NR1H2: variants seen among roughly 807,000 people sequenced by gnomAD.
NR1H2 encodes the protein nuclear receptor subfamily 1 group H member 2, also known as oxysterols receptor LXR-beta.
In NR1H2, 33 loss-of-function variants were observed where a neutral mutation model predicts 51.2. That is an observed-to-expected ratio of 0.64 (90% CI 0.49 to 0.86). NR1H2 has a LOEUF of 0.86. Among genes scored for constraint, NR1H2 ranks in the 40% least tolerant of loss-of-function variants. The probability of loss-of-function intolerance (pLI) is 0.00; values close to 1 mark genes in which losing one functional copy is unlikely to be tolerated. For synonymous variants in NR1H2, 310 were observed against 264.3 expected (o/e 1.17, Z -1.68); for missense variants, 592 against 639.9 (o/e 0.93, Z 0.81).
intron 4 of NR1H2, 21 bp from the exon 5 acceptor site, chr19:50,378,128 G>A: frequency 6.3e-7 from 1 of 1,596,296 alleles, no homozygotes; most frequent in Non-Finnish European, 8.6e-7. Flanking sequence ...CTTTCTCATG[G>A]CCTCTACCTA....
At chr19:50,380,049 G>A (rs1020558944) in intron 8 of NR1H2, among the ~76,000 whole-genome samples, 170 bp downstream of exon 8, 3 of 152,212 alleles carry the variant, frequency 2.0e-5, no homozygotes, top group Non-Finnish European at 2.9e-5. Flanking sequence ...GGTGGTGCAC[G>A]CCAATAGTCC....
intron 2 of NR1H2, 82 bp from the exon 3 acceptor site, chr19:50,377,505 G>A (rs897227532): frequency 5.4e-6 from 6 of 1,102,656 alleles, no homozygotes; most frequent in Non-Finnish European, 5.3e-6. Flanking sequence ...GAAAAAAAAG[G>A]GAAAGCCCTG....
chr19:50,381,486 C>T (rs973184749), intron 8 of NR1H2, among the ~76,000 whole-genome samples: 1 of 152,230 alleles, frequency 6.6e-6, no homozygotes, highest in African/African-American at 2.4e-5. Context: ...GTCCCCTAGG[C>T]TCTCAAATGT....
At position 50,378,324 on chromosome 19, in the gene NR1H2, G is replaced by T; in HGVS notation, c.357G>T (p.Gly119=). The change falls in exon 5 of 10, where the codon GGG becomes GGT. Residue 119 remains glycine (G), a synonymous_variant. Coordinates refer to ENST00000253727, the MANE Select transcript of NR1H2 (RefSeq NM_007121.7). The stretch of plus-strand genomic sequence containing the variant: ...TCCGGCGCAGTGTGGTCCGTGGTGG[G>T]GCCAGGCGCTATGCCTGCCGGGGTG... ...GFFRRSVVRG[G]ARRYACRGGG... is the part of the protein sequence containing the mutation. The T allele has an allele frequency of 1.2e-6, 2 of 1,612,966 alleles. No individual in the cohort carries two copies.
In NR1H2 at chr19:50,379,004, C is replaced by G. The variant is rs1250658002; in HGVS notation, c.750C>G (p.Pro250=). 1 of 1,607,620 alleles carries G rather than the reference C, an allele frequency of 6.2e-7. No homozygotes were observed. The highest frequency in any genetic ancestry group is 2.2e-5 in the East Asian group (1 of 44,862). The change falls in exon 7 of 10, where the codon CCC becomes CCG. Residue 250 remains proline, a splice_region_variant and synonymous_variant. Coordinates refer to ENST00000253727, the MANE Select transcript of NR1H2 (RefSeq NM_007121.7). ...RSFSDQPKVT[P]WPLGADPQSR... Reference sequence around the variant, plus strand: ...GACCCTGGTCTCCTGTGTCCCAGCCCTGGCCCCTGGGCGCAGACCCCCAGT... The same window carrying G: ...GACCCTGGTCTCCTGTGTCCCAGCCGTGGCCCCTGGGCGCAGACCCCCAGT...
At chr19:50,380,648 C>T (rs1004915447) in intron 8 of NR1H2, among the ~76,000 whole-genome samples, 2 of 152,114 alleles carry the variant, frequency 1.3e-5, no homozygotes, top group Non-Finnish European at 2.9e-5. Context: ...ATGAGCTTAG[C>T]AGGGCAGGGC....
Position 50,382,503 on chromosome 19 carries a change from C to A in NR1H2, c.1284C>A (p.Arg428=). 6.2e-7 allele frequency: 1 copy of A among 1,611,084 alleles called. No homozygotes were observed. Among genetic ancestry groups the A allele is most frequent in the Middle Eastern group, 1.8e-4 (1 of 5,528 alleles). Reference sequence around the variant, plus strand: ...TGCTCATGAAGCTGGTGAGCCTGCGCACGCTGAGCTCTGTGCACTCGGAGC... The same window carrying A: ...TGCTCATGAAGCTGGTGAGCCTGCGAACGCTGAGCTCTGTGCACTCGGAGC... ...PRMLMKLVSL[R]TLSSVHSEQV... The change falls in exon 10 of 10, where the codon CGC becomes CGA. Residue 428 remains arginine, a synonymous_variant. Coordinates refer to ENST00000253727, the MANE Select transcript of NR1H2 (RefSeq NM_007121.7).
In NR1H2 at chr19:50,378,545, C is replaced by G; in HGVS notation, c.496C>G (p.Arg166Gly). Residue 166 changes from arginine (R) to glycine (G), a missense_variant, in exon 6 of 10, where the codon CGG (arginine) becomes GGG (glycine). Arg to Gly is a moderately radical substitution (Grantham distance 125). Transcript: ENST00000253727. ...AGGCGTCCTTTCTGAAGAACAGATC[C>G]GGAAGAAGAAGATTCGGAAACAGCA... Reference protein sequence around the residue: ...EQCVLSEEQIRKKKIRKQQQE... With the variant: ...EQCVLSEEQIGKKKIRKQQQE... 6.3e-7 allele frequency: 1 copy of G among 1,576,522 alleles called. No homozygotes were observed. Among genetic ancestry groups the G allele is most frequent in the Non-Finnish European group, 8.6e-7 (1 of 1,167,336 alleles).
In NR1H2 at chr19:50,377,789, G is replaced by A. The variant is rs376347255; in HGVS notation, c.100G>A (p.Gly34Ser). The A allele has an allele frequency of 2.2e-5, 35 of 1,610,426 alleles. No individual in the cohort carries two copies. Among genetic ancestry groups the A allele is most frequent in the Non-Finnish European group, 2.6e-5 (31 of 1,178,446 alleles). ...TTCTTCACCCACTGTAAAGGAGGAG[G>A]GTCCGGAGCCGTGGCCCGGGGGTCC... is the stretch of plus-strand genomic sequence containing the variant. ...PSSSPTVKEE[G>S]PEPWPGGPDP... Residue 34 changes from glycine (G) to serine (S), a missense_variant, in exon 4 of 10, where the codon GGT becomes AGT. Coordinates refer to ENST00000253727, the MANE Select transcript of NR1H2 (RefSeq NM_007121.7).
At chr19:50,381,792 C>T (rs762864798) in intron 8 of NR1H2, among the ~76,000 whole-genome samples, 174 bp from the exon 9 acceptor site, 17 of 152,224 alleles carry the variant, frequency 1.1e-4, no homozygotes, top group South Asian at 4.1e-4. Flanking sequence ...GCATGTGTGG[C>T]ACACCTACTA....
At chr19:50,381,623 G>A (rs2037766750) in intron 8 of NR1H2, among the ~76,000 whole-genome samples, 1 of 152,232 alleles carries the variant, frequency 6.6e-6, no homozygotes, top group Admixed American at 6.5e-5. Context: ...CCAGCACGAT[G>A]TGACCTAGGT....
At position 50,378,477 on chromosome 19, in the gene NR1H2, C is replaced by T. The variant is rs766091388; in HGVS notation, c.472+38C>T. On this transcript the variant is annotated intron_variant, in intron 5 of 9. Transcript: ENST00000253727. ...GGAGGGGGCGGTGCCGGCCTGGCCC[C>T]CCGCCTAGCCCTGGGGTTCTGCTGA... The T allele has an allele frequency of 1.9e-6, 3 of 1,575,838 alleles. No individual in the cohort carries two copies. The Admixed American group carries it at 5.2e-5, about 27-fold the overall frequency.
Position 50,382,505 on chromosome 19 carries a change from C to T in NR1H2, c.1286C>T (p.Thr429Met), listed in dbSNP as rs780381214. The change falls in exon 10 of 10, where the codon ACG becomes ATG. Residue 429 changes from threonine to methionine, a missense_variant. Transcript: ENST00000253727. ...CTCATGAAGCTGGTGAGCCTGCGCACGCTGAGCTCTGTGCACTCGGAGCAG... is the reference window on the plus strand; with the variant it reads ...CTCATGAAGCTGGTGAGCCTGCGCATGCTGAGCTCTGTGCACTCGGAGCAG... ...RMLMKLVSLR[T>M]LSSVHSEQVF... The T allele has an allele frequency of 3.7e-6, 6 of 1,610,906 alleles. No individual in the cohort carries two copies. Among genetic ancestry groups the T allele is most frequent in the Admixed American group, 3.3e-5 (2 of 59,858 alleles).
Position 50,378,087 on chromosome 19 carries a change from C to T in NR1H2, c.182-62C>T, listed in dbSNP as rs2037698836. The T allele has an allele frequency of 2.6e-6, 4 of 1,531,130 alleles. No homozygotes were observed. In the Admixed American group the frequency reaches 7.6e-5, roughly 29 times the overall value. 94.8% of individuals were successfully genotyped at this position (1,531,130 alleles called of 1,614,324 possible). A position where few individuals can be genotyped will look rare whatever the true frequency, so the allele number is the denominator to read the frequency against. On this transcript the variant is annotated intron_variant, in intron 4 of 9. Transcript: ENST00000253727. ...CTTTGCCTGGGGATCTCCTGTGGGCCCATCTCTCTGGTTCCTGTTTCTCCT... is the reference window on the plus strand; with the variant it reads ...CTTTGCCTGGGGATCTCCTGTGGGCTCATCTCTCTGGTTCCTGTTTCTCCT...
chr19:50,381,057 C>T (rs751066297), intron 8 of NR1H2, among the ~76,000 whole-genome samples: 1 of 152,152 alleles, frequency 6.6e-6, no homozygotes, highest in Non-Finnish European at 1.5e-5. Context: ...CACTCTCTGC[C>T]CTCAGCTCTC....
chr19:50,381,558 C>T (rs1323409456), intron 8 of NR1H2, among the ~76,000 whole-genome samples: 1 of 152,204 alleles, frequency 6.6e-6, no homozygotes, highest in Non-Finnish European at 1.5e-5. Flanking sequence ...ATGAACAAGT[C>T]AGTTTTGGGA....
rs751390777 is a variant in NR1H2 at position 50,378,417 on chromosome 19, G to A, written c.450G>A (p.Lys150=). The change falls in exon 5 of 10, where the codon AAG becomes AAA. Residue 150 remains lysine, a synonymous_variant. Coordinates refer to ENST00000253727, the MANE Select transcript of NR1H2 (RefSeq NM_007121.7). ...AGCAGTGCCGGCTGCGCAAGTGCAA[G>A]GAGGCAGGGATGAGGGAGCAGTGTG... ...KCQQCRLRKC[K]EAGMREQCVL... is the part of the protein sequence containing the mutation. 1 of 1,602,230 alleles carries A rather than the reference G, an allele frequency of 6.2e-7. No individual in the cohort carries two copies. The highest frequency in any genetic ancestry group is 1.1e-5 in the South Asian group (1 of 90,640).
rs2037704730 is a variant in NR1H2, at chr19:50,378,350, G to A, written c.383G>A (p.Gly128Asp). 1.2e-6 allele frequency: 2 copies of A among 1,612,004 alleles called. No homozygotes were observed. The highest frequency in any genetic ancestry group is 1.1e-5 in the South Asian group (1 of 91,072). ...GGARRYACRG[G>D]GTCQMDAFMR... Reference sequence around the variant, plus strand: ...GCCAGGCGCTATGCCTGCCGGGGTGGCGGAACCTGCCAGATGGACGCTTTC... The same window carrying A: ...GCCAGGCGCTATGCCTGCCGGGGTGACGGAACCTGCCAGATGGACGCTTTC... Residue 128 changes from glycine (G) to aspartate (D), a missense_variant, in exon 5 of 10, where the codon GGC becomes GAC. Gly to Asp is a moderately conservative substitution (Grantham distance 94, BLOSUM62 -1). Coordinates refer to ENST00000253727, the MANE Select transcript of NR1H2 (RefSeq NM_007121.7).
At chr19:50,380,316 C>T (rs1180914877) in intron 8 of NR1H2, among the ~76,000 whole-genome samples, 3 of 152,142 alleles carry the variant, frequency 2.0e-5, no homozygotes, top group Non-Finnish European at 4.4e-5. Context: ...CCAAGGGAGG[C>T]GGGCTGGAGC....
Sources: gnomAD v4.1 joint callset for allele counts (sites outside exome capture counted in the v4.1 genomes callset) on GRCh38, gnomAD v4.1.1 for gene constraint, MANE v1.5 for transcripts, NCBI Gene and HGNC (gene_info 2026-07-23, HGNC 2026-07-21) for gene names.